The following NFAM1 variants were observed in gnomAD, a reference collection of about 807,000 sequenced individuals.
NFAM1 encodes NFAT activation molecule 1.
NFAM1 carries 17 observed loss-of-function variants against 29.0 expected under a neutral mutation model. The ratio of observed to expected loss-of-function variants is 0.59; its 90% confidence interval spans 0.40 to 0.88. The LOEUF (loss-of-function observed/expected upper bound fraction) is 0.88. Among genes scored for constraint, NFAM1 ranks in the 40% least tolerant of loss-of-function variants. The pLI is 0.00. For missense variants in NFAM1, 324 were observed against 344.6 expected (o/e 0.94, Z 0.47); for synonymous variants, 175 against 147.2 (o/e 1.19, Z -1.36).
chr22:42,394,706 A>T lies in NFAM1; in HGVS notation c.663+3152T>A, dbSNP rs568586851. On this transcript the variant is annotated intron_variant, in intron 4 of 5. Transcript: ENST00000329021. ...ACCCAAAGAAGGAAGACTATATTTT[A>T]AAAAAAACCTTCCCCGGAGACTGGG... Among the ~76,000 whole-genome samples, 70 of 152,208 alleles carry T rather than the reference A, an allele frequency of 4.6e-4. 1 individual carries two copies. Among genetic ancestry groups the T allele is most frequent in the Admixed American group, 1.2e-3 (18 of 15,280 alleles).
chr22:42,403,715 G>A (rs1929801390), intron 3 of NFAM1, among the ~76,000 whole-genome samples: 1 of 152,254 alleles, frequency 6.6e-6, no homozygotes, highest in Non-Finnish European at 1.5e-5. Flanking sequence ...GGGGACCTGT[G>A]CTAGAGGCTG....
intron 1 of NFAM1, among the ~76,000 whole-genome samples, chr22:42,421,412 TCCAG>T (rs1930440567): frequency 7.1e-6 from 1 of 141,228 alleles, no homozygotes; most frequent in Non-Finnish European, 1.5e-5. Context: ...ATCATTGCAC[TCCAG>T]CCTGGGCAGT....
In NFAM1 at chr22:42,422,848, C is replaced by T. The variant is rs938927135; in HGVS notation, c.121+9389G>A. On this transcript the variant is annotated intron_variant, in intron 1 of 5. Coordinates refer to ENST00000329021, the MANE Select transcript of NFAM1 (RefSeq NM_145912.8). ...GAGGGGAACAGGCTGGGCGTGGTGG[C>T]TCACGCCTGTAATCCTAGCACTTTG... is the stretch of plus-strand genomic sequence containing the variant. Among the ~76,000 whole-genome samples, 18 of 152,024 alleles carry T rather than the reference C, an allele frequency of 1.2e-4. No individual in the cohort carries two copies. The East Asian group carries it at 2.1e-3, about 18-fold the overall frequency.
rs1007440264 is a variant in NFAM1, at chr22:42,409,306, C to T, written c.564+129G>A. 3.9e-5 allele frequency: 19 copies of T among 486,640 alleles called. No individual in the cohort carries two copies. Among genetic ancestry groups the T allele is most frequent in the East Asian group, 2.2e-4 (7 of 31,396 alleles). 30.1% of individuals were successfully genotyped at this position (486,640 alleles called of 1,614,324 possible). On this transcript the variant is annotated intron_variant, in intron 3 of 5. Coordinates refer to ENST00000329021, the MANE Select transcript of NFAM1 (RefSeq NM_145912.8). This position sits in a 1 kb window ranked among gnomAD's most constrained non-coding sequence, Gnocchi z 4.9. ...CCCCCAGCCCTGGTGCAAGGGGCCA[C>T]GAGGGCCACCTGTTACAGATGTGGA... is the stretch of plus-strand genomic sequence containing the variant.
chr22:42,426,338 C>T (rs1159559229), intron 1 of NFAM1, among the ~76,000 whole-genome samples: 2 of 152,198 alleles, frequency 1.3e-5, no homozygotes, highest in Non-Finnish European at 2.9e-5. Context: ...CCTCCTCCAC[C>T]TCAGCACCTG....
intron 4 of NFAM1, among the ~76,000 whole-genome samples, chr22:42,394,022 T>C (rs984352607): frequency 6.6e-6 from 1 of 152,034 alleles, no homozygotes; most frequent in Non-Finnish European, 1.5e-5. Flanking sequence ...AAATATTCCA[T>C]ATCCTTATTT....
chr22:42,420,756 C>G (rs6002732), intron 1 of NFAM1, among the ~76,000 whole-genome samples: 1 of 151,942 alleles, frequency 6.6e-6, no homozygotes, highest in African/African-American at 2.4e-5. Context: ...TGTGACAGAG[C>G]GAGACTCTGT....
At chr22:42,389,393 C>T (rs1929256985) in intron 4 of NFAM1, among the ~76,000 whole-genome samples, 1 of 152,140 alleles carries the variant, frequency 6.6e-6, no homozygotes, top group African/African-American at 2.4e-5. Context: ...TTAGCAGCTG[C>T]TGAGTGAGGC....
At chr22:42,411,316 G>T in intron 2 of NFAM1, 91 bp downstream of exon 2, 1 of 1,015,656 alleles carries the variant, frequency 9.8e-7, no homozygotes, top group Non-Finnish European at 1.5e-6. Context: ...ACTGCGCCTG[G>T]CCCCATTCTC....
chr22:42,396,658 C>T (rs534127293), intron 4 of NFAM1, among the ~76,000 whole-genome samples: 25 of 152,120 alleles, frequency 1.6e-4, no homozygotes, highest in South Asian at 2.1e-4. Context: ...TCTCCGGCCA[C>T]GTGCAAAACC....
chr22:42,391,437 G>C (rs1929338768), intron 4 of NFAM1, among the ~76,000 whole-genome samples: 1 of 152,204 alleles, frequency 6.6e-6, no homozygotes. Context: ...CTCCAGGCAA[G>C]AAACGGGAGT....
chr22:42,390,452 G>C (rs1054127281), intron 4 of NFAM1, among the ~76,000 whole-genome samples: 4 of 152,120 alleles, frequency 2.6e-5, no homozygotes, highest in African/African-American at 9.7e-5. Context: ...AAAGGGAAGA[G>C]GGGGCAATTT....
intron 3 of NFAM1, among the ~76,000 whole-genome samples, chr22:42,401,872 G>A (rs1281867939): frequency 1.3e-5 from 2 of 152,166 alleles, no homozygotes; most frequent in Non-Finnish European, 2.9e-5. Flanking sequence ...TCTGTAAAAT[G>A]GGAGCAATAA....
Position 42,419,537 on chromosome 22 carries a change from C to A in NFAM1, c.122-7801G>T, listed in dbSNP as rs991142643. On this transcript the variant is annotated intron_variant, in intron 1 of 5. Coordinates refer to ENST00000329021, the MANE Select transcript of NFAM1 (RefSeq NM_145912.8). The surrounding 1 kb of genome is among the most constrained non-coding windows in gnomAD (Gnocchi z 4.5). The stretch of plus-strand genomic sequence containing the variant: ...TGCATCTCTTAACTTTGGGCCACTG[C>A]TAAGAAAAATGGAAAGTCCCTGGCT... Among the ~76,000 whole-genome samples, 1 of 152,210 alleles carries A rather than the reference C, an allele frequency of 6.6e-6. No individual in the cohort carries two copies. Among genetic ancestry groups the A allele is most frequent in the African/African-American group, 2.4e-5 (1 of 41,462 alleles).
chr22:42,387,082 CA>C lies in NFAM1; in HGVS notation c.664-5del. ...CGGTCTCGCGGCGCTGCAGAGCCTA[CA>C]GGAAACGGGGTGCCAGGATCAGGGG... On this transcript the variant is annotated splice_region_variant and splice_polypyrimidine_tract_variant and intron_variant, in intron 4 of 5. Transcript: ENST00000329021. The C allele has an allele frequency of 6.4e-7, 1 of 1,561,616 alleles. No individual in the cohort carries two copies. Among genetic ancestry groups the C allele is most frequent in the Non-Finnish European group, 8.7e-7 (1 of 1,148,760 alleles).
intron 1 of NFAM1, among the ~76,000 whole-genome samples, chr22:42,421,280 G>A (rs1045684315): frequency 2.6e-5 from 4 of 151,700 alleles, no homozygotes; most frequent in Non-Finnish European, 4.4e-5. Context: ...GTGAAACCCC[G>A]TCTCTGTTAA....
At chr22:42,413,152 C>T (rs1218670145) in intron 1 of NFAM1, among the ~76,000 whole-genome samples, 1 of 152,140 alleles carries the variant, frequency 6.6e-6, no homozygotes, top group Non-Finnish European at 1.5e-5. Flanking sequence ...AAATTGAGGT[C>T]GGCAGCCAGC....
At chr22:42,426,392 C>T (rs955792248) in intron 1 of NFAM1, among the ~76,000 whole-genome samples, 1 of 152,172 alleles carries the variant, frequency 6.6e-6, no homozygotes, top group African/African-American at 2.4e-5. Flanking sequence ...GTCAGCATTC[C>T]ACCTCCTCTG....
intron 4 of NFAM1, among the ~76,000 whole-genome samples, chr22:42,393,918 A>G (rs2147094372): frequency 6.6e-6 from 1 of 152,224 alleles, no homozygotes; most frequent in African/African-American, 2.4e-5. Context: ...CTCAGTTTAT[A>G]TTCTGTGTGC....
Sources: gnomAD v4.1 joint callset for allele counts (sites outside exome capture counted in the v4.1 genomes callset) on GRCh38, gnomAD v4.1.1 for gene constraint, Gnocchi (gnomAD v3.1) non-coding constraint, MANE v1.5 for transcripts, NCBI Gene and HGNC (gene_info 2026-07-23, HGNC 2026-07-21) for gene names.